Variants in PHF24 observed in about 807,000 individuals in gnomAD.
PHF24 encodes Galpha inhibitory interacting protein.
PHF24 carries 25 observed loss-of-function variants against 42.6 expected under a neutral mutation model. The observed-to-expected ratio is 0.59, with a 90% CI of 0.43 to 0.82. The LOEUF (loss-of-function observed/expected upper bound fraction) is 0.82. Among genes scored for constraint, PHF24 ranks in the 40% least tolerant of loss-of-function variants. The pLI, the probability that PHF24 is intolerant of heterozygous loss-of-function variation, is 0.00. For synonymous variants in PHF24, 185 were observed against 204.8 expected (o/e 0.90, Z 0.83); for missense variants, 470 against 538.1 (o/e 0.87, Z 1.25).
chr9:34,806,050 A>T, the PHF24 span, among the ~76,000 whole-genome samples: 1 of 151,850 alleles, frequency 6.6e-6, no homozygotes, highest in Admixed American at 6.6e-5. Flanking sequence ...TTATTTTTGT[A>T]CTCTTAACTC....
chr9:34,726,815 A>C, the PHF24 span: 2 of 1,551,788 alleles, frequency 1.3e-6, no homozygotes, highest in South Asian at 2.4e-5. Flanking sequence ...AGACGTAGAC[A>C]GCATCTCTAG....
intron 1 of PHF24, among the ~76,000 whole-genome samples, chr9:34,965,105 G>A (rs1434549794): frequency 2.0e-5 from 3 of 152,126 alleles, no homozygotes; most frequent in Non-Finnish European, 4.4e-5. Context: ...TTATCCACAA[G>A]CATTTGTTTT....
the PHF24 span, among the ~76,000 whole-genome samples, chr9:34,807,130 G>A: frequency 6.6e-6 from 1 of 152,204 alleles, no homozygotes; most frequent in Non-Finnish European, 1.5e-5. Flanking sequence ...TGATCTTAGG[G>A]AGACAGCATT....
At chr9:34,839,118 G>C in the PHF24 span, among the ~76,000 whole-genome samples, 1 of 152,194 alleles carries the variant, frequency 6.6e-6, no homozygotes, top group Non-Finnish European at 1.5e-5. Context: ...CTTGCAGATG[G>C]GTGGGGAGAG....
the PHF24 span, among the ~76,000 whole-genome samples, chr9:34,787,860 A>G: frequency 2.0e-5 from 3 of 151,870 alleles, no homozygotes; most frequent in Non-Finnish European, 4.4e-5. Flanking sequence ...TCCAATAACA[A>G]TTTTCCCCCT....
the PHF24 span, chr9:34,888,945 C>T: frequency 2.5e-6 from 1 of 396,830 alleles, no homozygotes; most frequent in Non-Finnish European, 4.4e-6. Context: ...GGAATGCTGA[C>T]CCATCTGAAA....
At chr9:34,747,513 G>T in the PHF24 span, among the ~76,000 whole-genome samples, 2 of 152,160 alleles carry the variant, frequency 1.3e-5, no homozygotes, top group Admixed American at 6.5e-5. Flanking sequence ...TACAGGAAAA[G>T]ATAACTATTA....
At chr9:34,740,355 G>C in the PHF24 span, among the ~76,000 whole-genome samples, 1 of 152,264 alleles carries the variant, frequency 6.6e-6, no homozygotes, top group African/African-American at 2.4e-5. Flanking sequence ...CAGGCATGGC[G>C]GGTTGCAGGT....
chr9:34,695,143 T>C, the PHF24 span, among the ~76,000 whole-genome samples: 1 of 151,790 alleles, frequency 6.6e-6, no homozygotes, highest in African/African-American at 2.4e-5. Flanking sequence ...TGGTGGGGAG[T>C]CCCACCCACT....
At chr9:34,895,809 G>A in the PHF24 span, 1 of 398,118 alleles carries the variant, frequency 2.5e-6, no homozygotes. Flanking sequence ...CGTCATTTCT[G>A]CCTCACAGAA....
At chr9:34,918,471 A>G in the PHF24 span, among the ~76,000 whole-genome samples, 1 of 152,198 alleles carries the variant, frequency 6.6e-6, no homozygotes, top group Non-Finnish European at 1.5e-5. Flanking sequence ...GTTCATACCT[A>G]TAAAATTTTT....
the PHF24 span, chr9:34,917,558 C>A: frequency 1.3e-6 from 1 of 776,366 alleles, no homozygotes; most frequent in South Asian, 1.3e-5. Flanking sequence ...GAGCAACCAG[C>A]ACCCCTGGTT....
the PHF24 span, among the ~76,000 whole-genome samples, chr9:34,849,204 T>TA: frequency 6.6e-6 from 1 of 152,104 alleles, no homozygotes; most frequent in African/African-American, 2.4e-5. Context: ...AGTGGGGTGT[T>TA]AAAGTCTCCC....
At chr9:34,817,141 T>A in the PHF24 span, among the ~76,000 whole-genome samples, 2 of 152,246 alleles carry the variant, frequency 1.3e-5, no homozygotes, top group African/African-American at 2.4e-5. Flanking sequence ...TATTTTGAAA[T>A]ATAAATTATT....
chr9:34,976,778 G>A (rs758759027), intron 5 of PHF24, 38 bp downstream of exon 5: 37 of 1,579,354 alleles, frequency 2.3e-5, no homozygotes, highest in Non-Finnish European at 3.2e-5. Context: ...TGGGATACTG[G>A]GTGACAAGGG....
intron 3 of PHF24, among the ~76,000 whole-genome samples, chr9:34,974,933 T>C (rs1179023103): frequency 6.6e-6 from 1 of 152,166 alleles, no homozygotes; most frequent in African/African-American, 2.4e-5. Flanking sequence ...CATCAGGTCC[T>C]GATGATGCTG....
At chr9:34,900,009 T>A in the PHF24 span, among the ~76,000 whole-genome samples, 1 of 152,182 alleles carries the variant, frequency 6.6e-6, no homozygotes, top group Non-Finnish European at 1.5e-5. Flanking sequence ...TGGGTTTGTA[T>A]TTGAGACTCT....
chr9:34,753,457 A>T, the PHF24 span, among the ~76,000 whole-genome samples: 1 of 152,198 alleles, frequency 6.6e-6, no homozygotes, highest in East Asian at 1.9e-4. Context: ...TCTCTATGAT[A>T]AAAATTATGA....
chr9:34,720,164 G>A, the PHF24 span, among the ~76,000 whole-genome samples: 2 of 152,170 alleles, frequency 1.3e-5, no homozygotes, highest in South Asian at 4.1e-4. Flanking sequence ...GTCATAAAGG[G>A]CCAGGCGCGG....
Sources: allele counts gnomAD v4.1 joint callset (sites outside exome capture counted in the v4.1 genomes callset), GRCh38; gene constraint gnomAD v4.1.1; transcripts MANE v1.5; gene names NCBI Gene and HGNC (gene_info 2026-07-23, HGNC 2026-07-21).